Variants in GLIS1 observed in about 807,000 individuals in gnomAD.
GLIS1 encodes the protein GLIS family zinc finger 1.
In GLIS1, 24 loss-of-function variants were observed where a neutral mutation model predicts 63.8. The ratio of observed to expected loss-of-function variants is 0.38; its 90% CI spans 0.27 to 0.53. The LOEUF (loss-of-function observed/expected upper bound fraction) is 0.53, where lower values mean the gene tolerates loss of function less well. Ranked by LOEUF, GLIS1 falls within the 20% of genes least tolerant of loss-of-function variation. GLIS1 has a pLI of 0.85. For missense variants in GLIS1, 1,036 were observed against 1,074.1 expected, an observed-to-expected ratio of 0.96 and a Z score of 0.50; for synonymous variants, 450 against 482.5, an observed-to-expected ratio of 0.93 and a Z score of 0.88.
chr1:53,696,866 T>C (rs1646470582), intron 2 of GLIS1, among the ~76,000 whole-genome samples: 2 of 152,212 alleles, frequency 1.3e-5, no homozygotes. Context: ...CAGAACTCTG[T>C]CTCTTAAAGA....
At chr1:53,588,323 C>T (rs1645156623) in intron 4 of GLIS1, among the ~76,000 whole-genome samples, 1 of 152,222 alleles carries the variant, frequency 6.6e-6, no homozygotes, top group African/African-American at 2.4e-5. Context: ...TAGCACGAGG[C>T]CTGGCACACC....
At chr1:53,688,499 G>C (rs991368459) in intron 2 of GLIS1, among the ~76,000 whole-genome samples, 1 of 152,082 alleles carries the variant, frequency 6.6e-6, no homozygotes, top group Admixed American at 6.5e-5. Context: ...CTTAGTGCCC[G>C]GGCCAAATGC....
chr1:53,629,992 T>C (rs375922581), intron 2 of GLIS1, among the ~76,000 whole-genome samples: 24 of 152,244 alleles, frequency 1.6e-4, no homozygotes, highest in Admixed American at 2.0e-4. Context: ...AAGAATTCCA[T>C]AATTGCATCT....
intron 2 of GLIS1, among the ~76,000 whole-genome samples, chr1:53,706,064 C>T (rs968302918): frequency 6.6e-6 from 1 of 152,190 alleles, no homozygotes; most frequent in African/African-American, 2.4e-5. Context: ...TTATCTTTAA[C>T]AATGACAATA....
chr1:53,738,334 C>T (rs892710664), intron 1 of GLIS1, among the ~76,000 whole-genome samples: 11 of 152,156 alleles, frequency 7.2e-5, no homozygotes, highest in African/African-American at 2.7e-4. Flanking sequence ...GGACCCCAGG[C>T]CCCCGCGCCG....
At chr1:53,514,856 T>A (rs1189783933) in intron 7 of GLIS1, 75 bp from the exon 8 acceptor site, 2 of 1,435,416 alleles carry the variant, frequency 1.4e-6, no homozygotes, top group East Asian at 5.0e-5. Flanking sequence ...AGGAGCTGTG[T>A]GTGCCTGATG....
intron 2 of GLIS1, among the ~76,000 whole-genome samples, chr1:53,682,207 G>A (rs904366841): frequency 2.6e-5 from 4 of 152,290 alleles, no homozygotes; most frequent in Admixed American, 2.0e-4. Context: ...ACCGGACTCC[G>A]ACTCCAACTC....
rs1371812483 is a variant in GLIS1, at chr1:53,525,035, G to A, written c.1483-148C>T. ...CCTCAGCCAGCCCGGCCCAGCTGTG[G>A]GGAAGGTGCCTGGCCTGGGAGCGGA... On this transcript the variant is annotated intron_variant, in intron 5 of 10. Coordinates refer to ENST00000628545, the MANE Select transcript of GLIS1 (RefSeq NM_001367484.1). 9 of 634,446 alleles carry A rather than the reference G, an allele frequency of 1.4e-5. 1 individual carries two copies. Among genetic ancestry groups the A allele is most frequent in the South Asian group, 1.1e-4 (6 of 53,488 alleles). 39.3% of individuals were successfully genotyped at this position (634,446 alleles called of 1,614,324 possible).
chr1:53,548,086 G>A (rs1368372515), intron 4 of GLIS1, among the ~76,000 whole-genome samples: 1 of 151,194 alleles, frequency 6.6e-6, no homozygotes, highest in Non-Finnish European at 1.5e-5. Flanking sequence ...GTTTTCGCAC[G>A]GGGGGCATTT....
intron 4 of GLIS1, among the ~76,000 whole-genome samples, chr1:53,572,243 T>G (rs1644991427): frequency 6.6e-6 from 1 of 152,238 alleles, no homozygotes; most frequent in African/African-American, 2.4e-5. Context: ...CAAGTATCTT[T>G]CCTTCTCTAA....
intron 2 of GLIS1, among the ~76,000 whole-genome samples, chr1:53,673,515 TA>T (rs1481577075): frequency 2.0e-5 from 3 of 152,222 alleles, no homozygotes; most frequent in Non-Finnish European, 4.4e-5. Context: ...CTTTGACACC[TA>T]CTTCCCCAGT....
intron 6 of GLIS1, among the ~76,000 whole-genome samples, chr1:53,522,364 C>T (rs1459721838): frequency 6.6e-6 from 1 of 152,184 alleles, no homozygotes; most frequent in Non-Finnish European, 1.5e-5. Flanking sequence ...CAGTGCGAGC[C>T]AAGCATGGGG....
chr1:53,727,628 GC>G (rs1261683446), intron 2 of GLIS1, among the ~76,000 whole-genome samples: 1 of 152,204 alleles, frequency 6.6e-6, no homozygotes, highest in Non-Finnish European at 1.5e-5. Context: ...CAGTCATCAG[GC>G]CCCAAGCTCC....
intron 6 of GLIS1, among the ~76,000 whole-genome samples, chr1:53,521,040 G>A (rs1168947542): frequency 6.6e-6 from 1 of 152,220 alleles, no homozygotes. Flanking sequence ...TGGGCTGGGA[G>A]AGCCCAAGGA....
intron 8 of GLIS1, among the ~76,000 whole-genome samples, chr1:53,512,420 G>T (rs1644306112): frequency 6.6e-6 from 1 of 152,182 alleles, no homozygotes; most frequent in Non-Finnish European, 1.5e-5. Flanking sequence ...AATAAATTTG[G>T]TCATGAAGTC....
At chr1:53,637,614 G>C (rs1645740228) in intron 2 of GLIS1, among the ~76,000 whole-genome samples, 1 of 152,118 alleles carries the variant, frequency 6.6e-6, no homozygotes, top group Non-Finnish European at 1.5e-5. Flanking sequence ...CGGCTGATTT[G>C]CTGCTCATTT....
chr1:53,525,479 GGAGTCT>G (rs1439189878), intron 5 of GLIS1, among the ~76,000 whole-genome samples: 1 of 145,200 alleles, frequency 6.9e-6, no homozygotes, highest in African/African-American at 2.6e-5. Context: ...GGGAGGCTGG[GGAGTCT>G]GGCGGGGCTG....
intron 4 of GLIS1, among the ~76,000 whole-genome samples, chr1:53,589,284 A>G (rs1447511431): frequency 6.6e-6 from 1 of 152,186 alleles, no homozygotes; most frequent in East Asian, 1.9e-4. Flanking sequence ...AGGTCAAAAC[A>G]ACAGATAGGG....
chr1:53,641,137 G>T (rs1003967907), intron 2 of GLIS1, among the ~76,000 whole-genome samples: 1 of 152,160 alleles, frequency 6.6e-6, no homozygotes, highest in Non-Finnish European at 1.5e-5. Context: ...ACGGGGCAGG[G>T]TCTGCGGTGT....
Sources: gnomAD v4.1 joint callset for allele counts (sites outside exome capture counted in the v4.1 genomes callset) on GRCh38, gnomAD v4.1.1 for gene constraint, MANE v1.5 for transcripts, NCBI Gene and HGNC (gene_info 2026-07-23, HGNC 2026-07-21) for gene names.